PDHX: variants seen among roughly 807,000 people sequenced by gnomAD.
PDHX encodes pyruvate dehydrogenase protein X component, mitochondrial.
In PDHX, 33 loss-of-function variants were observed where a neutral mutation model predicts 55.3. The ratio of observed to expected loss-of-function variants is 0.60; its 90% confidence interval spans 0.45 to 0.80. The LOEUF (loss-of-function observed/expected upper bound fraction) is 0.80, where lower values mean the gene tolerates loss of function less well. PDHX is among the 30% of genes least tolerant of loss of function. PDHX has a pLI of 0.00. For synonymous variants in PDHX, 226 were observed against 219.4 expected, an observed-to-expected ratio of 1.03 and a Z score of -0.27; for missense variants, 622 against 619.9, an observed-to-expected ratio of 1.00 and a Z score of -0.04.
intron 1 of PDHX, among the ~76,000 whole-genome samples, chr11:34,929,757 T>C (rs1418467205): frequency 2.6e-5 from 4 of 152,240 alleles, no homozygotes; most frequent in Non-Finnish European, 5.9e-5. Flanking sequence ...TTCTCATTGA[T>C]GAAATGGGCG....
At chr11:34,955,793 A>G (rs1207281007) in intron 3 of PDHX, among the ~76,000 whole-genome samples, 1 of 122,078 alleles carries the variant, frequency 8.2e-6, no homozygotes, top group Non-Finnish European at 1.9e-5. Context: ...AAATCTATTG[A>G]TATTTTTAAA....
intron 6 of PDHX, among the ~76,000 whole-genome samples, chr11:34,968,022 C>T (rs1463771763): frequency 6.6e-6 from 1 of 152,098 alleles, no homozygotes; most frequent in Non-Finnish European, 1.5e-5. Context: ...GTAATCCTAG[C>T]ACTTTGGGAG....
chr11:34,916,298 G>C, upstream of PDHX: 1 of 1,611,312 alleles, frequency 6.2e-7, no homozygotes, highest in Non-Finnish European at 8.5e-7. Flanking sequence ...CCAGACCAGG[G>C]ACCCGCGCGG....
At chr11:34,983,447 T>G (rs1855565423) in intron 8 of PDHX, among the ~76,000 whole-genome samples, 2 of 152,084 alleles carry the variant, frequency 1.3e-5, no homozygotes, top group South Asian at 4.1e-4. Context: ...GAGAAAGAAA[T>G]AAAGGGTATT....
intron 3 of PDHX, 86 bp downstream of exon 3, chr11:34,947,692 C>A: frequency 1.1e-6 from 1 of 895,668 alleles, no homozygotes; most frequent in Non-Finnish European, 1.9e-6. Context: ...TTTATTTTTG[C>A]CTCCTTATTT....
chr11:34,938,626 G>A (rs1854393717), intron 2 of PDHX, among the ~76,000 whole-genome samples: 1 of 152,164 alleles, frequency 6.6e-6, no homozygotes, highest in Non-Finnish European at 1.5e-5. Context: ...ATTTTAAAAA[G>A]ATTAACTTTC....
At chr11:34,930,567 A>C (rs530972640) in intron 1 of PDHX, among the ~76,000 whole-genome samples, 1 of 152,336 alleles carries the variant, frequency 6.6e-6, no homozygotes, top group African/African-American at 2.4e-5. Context: ...ATGGAAAGCT[A>C]TAGGGGATGG....
chr11:34,937,400 A>G (rs1383108934), intron 2 of PDHX, among the ~76,000 whole-genome samples: 2 of 149,874 alleles, frequency 1.3e-5, no homozygotes, highest in East Asian at 2.0e-4. Flanking sequence ...AGTTGAGGCC[A>G]TGTGCACCAC....
At chr11:34,916,054 A>T (rs2016821), upstream of PDHX, 297,132 of 808,988 alleles carry the variant, frequency 0.37, 58,425 homozygotes, top group East Asian at 0.72. Flanking sequence ...GGGGCCTCGC[A>T]GCCTTGCTTC....
intron 2 of PDHX, among the ~76,000 whole-genome samples, chr11:34,937,520 A>G (rs564662895): frequency 4.6e-5 from 7 of 151,648 alleles, no homozygotes; most frequent in African/African-American, 1.2e-4. Context: ...AAATTTGAAT[A>G]TGGTAAGATT....
chr11:34,951,081 C>G (rs12799276), intron 3 of PDHX, among the ~76,000 whole-genome samples: 98,927 of 123,510 alleles, frequency 0.8, 39,818 homozygotes, highest in African/African-American at 0.83. Flanking sequence ...TTTTGAGACG[C>G]AGTCTTGCTC....
chr11:34,992,456 A>T (rs1855775081), intron 10 of PDHX, 77 bp downstream of exon 10: 1 of 759,098 alleles, frequency 1.3e-6, no homozygotes, highest in African/African-American at 1.7e-5. Flanking sequence ...TCAGCCTTTC[A>T]TTTATCTGAA....
At chr11:34,988,824 T>C (rs1359468783) in intron 9 of PDHX, among the ~76,000 whole-genome samples, 2 of 152,200 alleles carry the variant, frequency 1.3e-5, no homozygotes, top group African/African-American at 2.4e-5. Context: ...TGAAAATAGA[T>C]GAGTACTGTA....
chr11:34,919,220 G>A (rs1590724028), intron 1 of PDHX, among the ~76,000 whole-genome samples: 1 of 152,156 alleles, frequency 6.6e-6, no homozygotes, highest in South Asian at 2.1e-4. Flanking sequence ...CCTACATACA[G>A]ATTTTTGTTT....
intron 2 of PDHX, among the ~76,000 whole-genome samples, chr11:34,943,208 T>TA (rs1213093199): frequency 1.3e-5 from 2 of 152,206 alleles, no homozygotes; most frequent in Non-Finnish European, 2.9e-5. Context: ...AATCACAATT[T>TA]AAAAAAGTAA....
At chr11:34,993,890 G>A (rs79878493) in intron 10 of PDHX, among the ~76,000 whole-genome samples, 11,531 of 152,046 alleles carry the variant, frequency 0.076, 452 homozygotes, top group African/African-American at 0.093. Flanking sequence ...AAACCATTGT[G>A]TATTCAGTTA....
chr11:34,919,962 A>C (rs1468191439), intron 1 of PDHX, among the ~76,000 whole-genome samples: 1 of 152,202 alleles, frequency 6.6e-6, no homozygotes, highest in Non-Finnish European at 1.5e-5. Flanking sequence ...CTCTTTGGGG[A>C]CATAAACAAT....
intron 1 of PDHX, among the ~76,000 whole-genome samples, chr11:34,919,924 T>C (rs1356486369): frequency 6.6e-6 from 1 of 152,208 alleles, no homozygotes; most frequent in Non-Finnish European, 1.5e-5. Flanking sequence ...AAATTCTATA[T>C]AGGGCTGATC....
chr11:34,983,528 T>C (rs1855568939), intron 8 of PDHX, among the ~76,000 whole-genome samples: 1 of 152,112 alleles, frequency 6.6e-6, no homozygotes, highest in Non-Finnish European at 1.5e-5. Flanking sequence ...GAAAACCCCA[T>C]TGTCTCAGCC....
Sources: gnomAD v4.1 joint callset for allele counts (sites outside exome capture counted in the v4.1 genomes callset) on GRCh38, gnomAD v4.1.1 for gene constraint, MANE v1.5 for transcripts, NCBI Gene and HGNC (gene_info 2026-07-23, HGNC 2026-07-21) for gene names.